The following POLR1E variants were observed in gnomAD, a reference collection of about 807,000 sequenced individuals.
POLR1E encodes the protein RNA polymerase I subunit E.
POLR1E carries 37 observed loss-of-function variants against 50.9 expected under a neutral mutation model. The observed-to-expected ratio is 0.73, with a 90% CI of 0.56 to 0.96. The LOEUF is 0.96. Among genes scored for constraint, POLR1E ranks in the 40% least tolerant of loss-of-function variants. The pLI, the probability that POLR1E is intolerant of heterozygous loss-of-function variation, is 0.00. For missense variants in POLR1E, 426 were observed against 518.1 expected (o/e 0.82, Z 1.73); for synonymous variants, 166 against 191.6 (o/e 0.87, Z 1.10).
intron 1 of POLR1E, chr9:37,486,332 C>T: frequency 7.3e-7 from 1 of 1,361,530 alleles, no homozygotes; most frequent in Non-Finnish European, 9.8e-7. Context: ...CACTCACCCG[C>T]TCCCCAGAGC....
chr9:37,486,101 C>A lies in POLR1E; in HGVS notation c.54C>A (p.Asp18Glu), dbSNP rs1191397524. The A allele has an allele frequency of 6.2e-7, 1 of 1,601,108 alleles. No homozygotes were observed. Residue 18 changes from aspartate (D) to glutamate (E), a missense_variant, in exon 1 of 12, where the codon GAC becomes GAA. By Grantham distance (45) the Asp-to-Glu change is conservative. Transcript: ENST00000377798. Reference sequence around the variant, plus strand: ...GGTGGCAGTATTGTGGGGCGCCCGACGGGAGCCAGAGAGCTGTACTGGGTA... The same window carrying A: ...GGTGGCAGTATTGTGGGGCGCCCGAAGGGAGCCAGAGAGCTGTACTGGGTA... ...SARWQYCGAP[D>E]GSQRAVLVQF...
rs373462535 is a variant in POLR1E at position 37,486,006 on chromosome 9, G to A, written c.-42G>A. On this transcript the variant is annotated 5_prime_UTR_variant, in exon 1 of 12. Transcript: ENST00000377798. ...CGTGTTTAAAAGTGCGCTTGTGGCT[G>A]CTGCTGTCTTAACTCCTGTGCTTGG... 499 of 1,577,474 alleles carry A rather than the reference G, an allele frequency of 3.2e-4. No homozygotes were observed. The highest frequency in any genetic ancestry group is 4.0e-4 in the Non-Finnish European group (466 of 1,162,984).
chr9:37,487,682 C>T (rs1820603858), intron 2 of POLR1E, among the ~76,000 whole-genome samples, 181 bp from the exon 3 acceptor site: 1 of 152,222 alleles, frequency 6.6e-6, no homozygotes, highest in African/African-American at 2.4e-5. Context: ...TCTTGCTTCC[C>T]CTGCAGGGAC....
intron 10 of POLR1E, among the ~76,000 whole-genome samples, chr9:37,501,382 G>C (rs946974499): frequency 1.3e-5 from 2 of 152,182 alleles, no homozygotes; most frequent in Admixed American, 1.3e-4. Context: ...AGCTGATTTC[G>C]GGATGATTGT....
chr9:37,501,787 A>T lies in POLR1E; in HGVS notation c.1043A>T (p.His348Leu), dbSNP rs1483856181. The T allele has an allele frequency of 6.2e-7, 1 of 1,614,092 alleles. No homozygotes were observed. Among genetic ancestry groups the T allele is most frequent in the East Asian group, 2.2e-5 (1 of 44,884 alleles). Residue 348 changes from histidine to leucine, a missense_variant, in exon 11 of 12, where the codon CAT (histidine) becomes CTT (leucine). By Grantham distance (99) the His-to-Leu change is moderately conservative. Coordinates refer to ENST00000377798, the MANE Select transcript of POLR1E (RefSeq NM_022490.4). Reference protein sequence around the residue: ...AYVIILALHIHDFQIDLTVLQ... With the variant: ...AYVIILALHILDFQIDLTVLQ... ...GTGATCATACTTGCCTTGCACATAC[A>T]TGACTTCCAAATTGACCTGACAGTG...
In POLR1E at chr9:37,486,701, A is replaced by G; in HGVS notation, c.77-2A>G. ...TCTCATTCTTGGGCTGCACTCTTAC[A>G]GTCCAGTTCTCCAACGGGAAGCTAC... On this transcript the variant is annotated splice_acceptor_variant, in intron 1 of 11. Coordinates refer to ENST00000377798, the MANE Select transcript of POLR1E (RefSeq NM_022490.4). LOFTEE classifies it high-confidence loss of function. 6.2e-7 allele frequency: 1 copy of G among 1,614,204 alleles called. No individual in the cohort carries two copies. Among genetic ancestry groups the G allele is most frequent in the Non-Finnish European group, 8.5e-7 (1 of 1,180,030 alleles).
At chr9:37,490,523 T>C in intron 4 of POLR1E, 1 of 773,212 alleles carries the variant, frequency 1.3e-6, no homozygotes, top group Non-Finnish European at 2.4e-6. Flanking sequence ...GGCGCTTCAG[T>C]TGAACCCAGG....
At position 37,503,691 on chromosome 9, in the gene POLR1E, G is replaced by T. The variant is rs1219795820; in HGVS notation, c.*489G>T. 3 of 152,304 alleles carry T rather than the reference G, an allele frequency of 2.0e-5. No homozygotes were observed. The highest frequency in any genetic ancestry group is 6.5e-5 in the Admixed American group (1 of 15,278). The allele number at this position is 152,304 out of a possible 1,614,324, so 9.4% of individuals were successfully genotyped here. ...GAAATATAAAGCGATGGCCAGGTTG[G>T]ACTTCATCTCTCTCCTTTGGTATTA... On this transcript the variant is annotated 3_prime_UTR_variant, in exon 12 of 12. Coordinates refer to ENST00000377798, the MANE Select transcript of POLR1E (RefSeq NM_022490.4).
chr9:37,489,244 AAAAAAG>A, intron 3 of POLR1E, 65 bp from the exon 4 acceptor site: 2 of 1,314,206 alleles, frequency 1.5e-6, no homozygotes, highest in Non-Finnish European at 2.1e-6. Context: ...TCAAAAAAAA[AAAAAAG>A]AAAGCTGTAC....
Position 37,495,231 on chromosome 9 carries a change from T to C in POLR1E, c.610T>C (p.Tyr204His). Residue 204 changes from tyrosine to histidine, a missense_variant, in exon 7 of 12, where the codon TAT becomes CAT. Coordinates refer to ENST00000377798, the MANE Select transcript of POLR1E (RefSeq NM_022490.4). ...TGACTCCCTCTACCTTCCTCCCTGC[T>C]ATGATGATGCAGCCAAGCCTGAAGA... Reference protein sequence around the residue: ...QDDSLYLPPCYDDAAKPEDVY... With the variant: ...QDDSLYLPPCHDDAAKPEDVY... 1 of 1,614,176 alleles carries C rather than the reference T, an allele frequency of 6.2e-7. No individual in the cohort carries two copies. The highest frequency in any genetic ancestry group is 1.1e-5 in the South Asian group (1 of 91,082).
At chr9:37,487,666 A>G (rs970727340) in intron 2 of POLR1E, among the ~76,000 whole-genome samples, 197 bp from the exon 3 acceptor site, 7 of 152,204 alleles carry the variant, frequency 4.6e-5, no homozygotes, top group Non-Finnish European at 8.8e-5. Context: ...TCTCTTCCAG[A>G]AGTCGTCTTG....
chr9:37,493,892 A>G (rs1033968008), intron 6 of POLR1E, among the ~76,000 whole-genome samples, 189 bp downstream of exon 6: 4 of 152,178 alleles, frequency 2.6e-5, no homozygotes, highest in Non-Finnish European at 5.9e-5. Context: ...TTTGTCTTCT[A>G]GTGATCCACA....
intron 9 of POLR1E, among the ~76,000 whole-genome samples, chr9:37,500,171 T>C (rs1320602482): frequency 1.1e-5 from 1 of 93,400 alleles, no homozygotes; most frequent in African/African-American, 3.7e-5. Context: ...TTTTGTTTTG[T>C]TTTGTTTTGT....
Position 37,492,702 on chromosome 9 carries a change from C to T in POLR1E, c.389C>T (p.Thr130Ile). The change falls in exon 5 of 12, where the codon ACT (threonine) becomes ATT (isoleucine). Residue 130 changes from threonine to isoleucine, a missense_variant. Coordinates refer to ENST00000377798, the MANE Select transcript of POLR1E (RefSeq NM_022490.4). ...SELALESQTK[T>I]YREKMDSCIE... ...CTGGCGCTAGAGAGTCAGACCAAAA[C>T]TTACAGAGAAAAGGTGAGTGTGATA... The T allele has an allele frequency of 6.2e-7, 1 of 1,613,940 alleles. No individual in the cohort carries two copies. The highest frequency in any genetic ancestry group is 8.5e-7 in the Non-Finnish European group (1 of 1,179,866).
rs143979676 is a variant in POLR1E at position 37,497,216 on chromosome 9, G to A, written c.753-875G>A. Reference sequence around the variant, plus strand: ...ACTAAAAATACAAAGTTAGCTGGGCGTGGTGGTGCATGCCTGTAATCCCAG... The same window carrying A: ...ACTAAAAATACAAAGTTAGCTGGGCATGGTGGTGCATGCCTGTAATCCCAG... On this transcript the variant is annotated intron_variant, in intron 8 of 11. Transcript: ENST00000377798. 2.8e-3 allele frequency among the ~76,000 whole-genome samples: 430 copies of A among 152,308 alleles called. 1 individual carries two copies. The highest frequency in any genetic ancestry group is 4.4e-3 in the Non-Finnish European group (296 of 68,024).
chr9:37,490,870 C>T (rs192182477), intron 4 of POLR1E: 7 of 539,756 alleles, frequency 1.3e-5, no homozygotes, highest in Admixed American at 1.3e-4. Context: ...GGGTGCCTCT[C>T]CTCTTTCCCT....
chr9:37,490,153 C>G (rs1328639694), intron 4 of POLR1E, among the ~76,000 whole-genome samples: 2 of 151,870 alleles, frequency 1.3e-5, no homozygotes, highest in Non-Finnish European at 2.9e-5. Context: ...TTGATCATTT[C>G]AAGGGACTAT....
At position 37,503,162 on chromosome 9, in the gene POLR1E, A is replaced by G; in HGVS notation, c.1220A>G (p.Gln407Arg). 2 of 1,612,444 alleles carry G rather than the reference A, an allele frequency of 1.2e-6. No homozygotes were observed. Reference sequence around the variant, plus strand: ...CTGTCCCTCCCGCTGCCTCCAGCCCAGACCTCAGACCGCCTGGCAAAGCGG... The same window carrying G: ...CTGTCCCTCCCGCTGCCTCCAGCCCGGACCTCAGACCGCCTGGCAAAGCGG... ...GTLSLPLPPA[Q>R]TSDRLAKRRK... is the part of the protein sequence containing the mutation. Residue 407 changes from glutamine (Q) to arginine (R), a missense_variant, in exon 12 of 12, where the codon CAG becomes CGG. By Grantham distance (43) the Gln-to-Arg change is conservative. Transcript: ENST00000377798.
intron 6 of POLR1E, among the ~76,000 whole-genome samples, chr9:37,494,613 G>GT (rs1175202045): frequency 6.6e-6 from 1 of 151,862 alleles, no homozygotes; most frequent in East Asian, 1.9e-4. Context: ...AATTTTTTTA[G>GT]TTTTTTGGAG....
Sources: gnomAD v4.1 joint callset for allele counts (sites outside exome capture counted in the v4.1 genomes callset) on GRCh38, gnomAD v4.1.1 for gene constraint, MANE v1.5 for transcripts, NCBI Gene and HGNC (gene_info 2026-07-23, HGNC 2026-07-21) for gene names.